The following AXDND1 variants were observed in gnomAD, a reference collection of about 807,000 sequenced individuals.
The protein encoded by AXDND1 is axonemal dynein light chain domain-containing protein 1.
A neutral mutation model predicts 137.5 loss-of-function variants in AXDND1; 110 were observed. That is an observed-to-expected ratio of 0.80 (90% CI 0.69 to 0.94). The LOEUF (loss-of-function observed/expected upper bound fraction) is 0.94, where lower values mean the gene tolerates loss of function less well. Among genes scored for constraint, AXDND1 ranks in the 40% least tolerant of loss-of-function variants. The pLI is 0.00. For synonymous variants in AXDND1, 414 were observed against 399.7 expected, an observed-to-expected ratio of 1.04 and a Z score of -0.43; for missense variants, 1,191 against 1,169.8, an observed-to-expected ratio of 1.02 and a Z score of -0.26.
chr1:179,516,957 A>G (rs989586167), intron 21 of AXDND1, among the ~76,000 whole-genome samples: 2 of 152,146 alleles, frequency 1.3e-5, no homozygotes, highest in South Asian at 2.1e-4. Context: ...GCACTTTCCA[A>G]AGAGCATCAG....
At chr1:179,449,961 GGT>G (rs1660301314) in intron 16 of AXDND1, 1 of 138,984 alleles carries the variant, frequency 7.2e-6, no homozygotes, top group Non-Finnish European at 1.6e-5. Context: ...GTGAAGAGAG[GGT>G]TTTACTAGTT....
chr1:179,434,389 A>G (rs1258466105), intron 15 of AXDND1, among the ~76,000 whole-genome samples: 1 of 152,190 alleles, frequency 6.6e-6, no homozygotes, highest in Non-Finnish European at 1.5e-5. Flanking sequence ...CCTGGCAGAG[A>G]CACAACAAAA....
At chr1:179,415,797 C>T (rs752925746) in intron 12 of AXDND1, among the ~76,000 whole-genome samples, 10 of 152,024 alleles carry the variant, frequency 6.6e-5, no homozygotes, top group African/African-American at 1.9e-4. Context: ...CTCCACCTCC[C>T]GGGTTCGTGC....
At chr1:179,421,367 C>CTTTTTTTTTT (rs199703017) in intron 12 of AXDND1, among the ~76,000 whole-genome samples, 1 of 107,212 alleles carries the variant, frequency 9.3e-6, no homozygotes, top group African/African-American at 4.1e-5. Context: ...TTTTCTTTTC[C>CTTTTTTTTTT]TTTTTTTTTT....
intron 12 of AXDND1, among the ~76,000 whole-genome samples, chr1:179,424,253 G>A (rs534451369): frequency 6.6e-6 from 1 of 151,952 alleles, no homozygotes; most frequent in South Asian, 2.1e-4. Flanking sequence ...TCCTTAACAT[G>A]TTATTTGCTT....
rs779510365 is a variant in AXDND1 at position 179,393,952 on chromosome 1, T to C, written c.913T>C (p.Phe305Leu). Reference sequence around the variant, plus strand: ...CCAGATTGCTCGGCAGATGATTGATTTCTACAAAGACTTGGTAACTCAGCG... The same window carrying C: ...CCAGATTGCTCGGCAGATGATTGATCTCTACAAAGACTTGGTAACTCAGCG... ...LDQIARQMID[F>L]YKDLVTQRVM... is the part of the protein sequence containing the mutation. The change falls in exon 10 of 26, where the codon TTC becomes CTC. Residue 305 changes from phenylalanine to leucine, a missense_variant. Physicochemically the swap from Phe to Leu is conservative, Grantham distance 22 (BLOSUM62 0). Coordinates refer to ENST00000367618, the MANE Select transcript of AXDND1 (RefSeq NM_144696.6). 1.9e-5 allele frequency: 30 copies of C among 1,612,556 alleles called. No individual in the cohort carries two copies. Among genetic ancestry groups the C allele is most frequent in the Non-Finnish European group, 2.3e-5 (27 of 1,179,494 alleles).
intron 15 of AXDND1, among the ~76,000 whole-genome samples, chr1:179,437,033 C>T: frequency 7.5e-6 from 1 of 133,794 alleles, no homozygotes; most frequent in East Asian, 2.2e-4. Flanking sequence ...TTTCTCCCAA[C>T]ATATGTCTTC....
At chr1:179,483,385 C>A (rs76901676) in intron 18 of AXDND1, among the ~76,000 whole-genome samples, 164 bp downstream of exon 18, 16,357 of 152,136 alleles carry the variant, frequency 0.11, 1,002 homozygotes, top group African/African-American at 0.14. Context: ...TTTTTTAAAG[C>A]AGAATGTTTC....
intron 16 of AXDND1, chr1:179,456,259 TG>T: frequency 1.4e-6 from 1 of 736,138 alleles, no homozygotes; most frequent in South Asian, 1.3e-5. Context: ...CTGCTGCTAC[TG>T]GAACCTCCAT....
chr1:179,500,831 C>T (rs1345195354), intron 20 of AXDND1, among the ~76,000 whole-genome samples: 1 of 152,134 alleles, frequency 6.6e-6, no homozygotes, highest in Non-Finnish European at 1.5e-5. Flanking sequence ...GCCACCATAC[C>T]TGGCTAATTT....
At chr1:179,532,468 C>T (rs1457640548) in intron 23 of AXDND1, among the ~76,000 whole-genome samples, 2 of 152,132 alleles carry the variant, frequency 1.3e-5, no homozygotes, top group Non-Finnish European at 2.9e-5. Flanking sequence ...ACACCACATA[C>T]CTTAGGTTCA....
At chr1:179,415,703 G>T (rs934158618) in intron 12 of AXDND1, among the ~76,000 whole-genome samples, 13 of 151,538 alleles carry the variant, frequency 8.6e-5, no homozygotes, top group African/African-American at 3.2e-4. Context: ...TCTCTCCAGG[G>T]TACATCTTTT....
intron 8 of AXDND1, 81 bp from the exon 9 acceptor site, chr1:179,385,157 T>A (rs559609813): frequency 5.1e-6 from 6 of 1,177,338 alleles, no homozygotes; most frequent in Admixed American, 2.5e-5. Flanking sequence ...AAAACTTATT[T>A]ACATTCAAGG....
chr1:179,525,359 C>A lies in AXDND1; in HGVS notation c.2522C>A (p.Pro841His). ...GAGGCTGTAAAAGAATTCATTGAGC[C>A]TGAAATAGACGAGTCTTTTAAAGAA... ...EEEAVKEFIE[P>H]EIDESFKEDE... Residue 841 changes from proline (P) to histidine (H), a missense_variant, in exon 22 of 26, where the codon CCT becomes CAT. Physicochemically the swap from Pro to His is moderately conservative, Grantham distance 77. Transcript: ENST00000367618. 1 of 1,611,466 alleles carries A rather than the reference C, an allele frequency of 6.2e-7. No homozygotes were observed. The highest frequency in any genetic ancestry group is 1.1e-5 in the South Asian group (1 of 90,854).
chr1:179,477,137 T>A (rs879542155), intron 17 of AXDND1, among the ~76,000 whole-genome samples: 1 of 152,198 alleles, frequency 6.6e-6, no homozygotes. Context: ...TAGTAGTGAT[T>A]TTAAATTTTT....
At chr1:179,543,655 A>G (rs1445283223) in intron 25 of AXDND1, 1 of 152,194 alleles carries the variant, frequency 6.6e-6, no homozygotes, top group Non-Finnish European at 1.5e-5. Flanking sequence ...GTTGTGTACA[A>G]GAGGGAAGGA....
chr1:179,395,277 A>G (rs1349054094), intron 11 of AXDND1, 75 bp downstream of exon 11: 6 of 1,118,824 alleles, frequency 5.4e-6, no homozygotes, highest in East Asian at 4.9e-5. Context: ...AATAATATAT[A>G]TGATACTATA....
At chr1:179,376,917 C>T (rs539946523) in intron 4 of AXDND1, among the ~76,000 whole-genome samples, 23 of 151,588 alleles carry the variant, frequency 1.5e-4, no homozygotes, top group South Asian at 1.0e-3. Flanking sequence ...CCAGGGCACC[C>T]AAATTTAATA....
At chr1:179,369,105 C>T (rs1368245119) in intron 3 of AXDND1, 133 bp downstream of exon 3, 10 of 933,648 alleles carry the variant, frequency 1.1e-5, no homozygotes, top group Non-Finnish European at 1.5e-5. Flanking sequence ...GAGACAGGGT[C>T]TTACTACTGT....
Sources: allele counts gnomAD v4.1 joint callset (sites outside exome capture counted in the v4.1 genomes callset), GRCh38; gene constraint gnomAD v4.1.1; transcripts MANE v1.5; gene names NCBI Gene and HGNC (gene_info 2026-07-23, HGNC 2026-07-21).